The following CHST8 variants were observed in gnomAD, a reference collection of about 807,000 sequenced individuals.
The protein encoded by CHST8 is GALNAC-4-ST1.
A neutral mutation model predicts 15.0 loss-of-function variants in CHST8; 10 were observed. The observed-to-expected ratio is 0.67, with a 90% CI of 0.41 to 1.13. CHST8 has a LOEUF of 1.13. CHST8 is among the 50% of genes most tolerant of loss of function. The pLI is 0.00. For synonymous variants in CHST8, 259 were observed against 256.6 expected (o/e 1.01, Z -0.09); for missense variants, 634 against 608.2 (o/e 1.04, Z -0.45).
At chr19:33,657,652 C>G (rs1228131551) in intron 1 of CHST8, among the ~76,000 whole-genome samples, 1 of 151,904 alleles carries the variant, frequency 6.6e-6, no homozygotes, top group Non-Finnish European at 1.5e-5. Context: ...TCACTGCATC[C>G]TCATCCTCCT....
At chr19:33,658,116 G>A (rs1422584264) in intron 1 of CHST8, among the ~76,000 whole-genome samples, 1 of 152,128 alleles carries the variant, frequency 6.6e-6, no homozygotes, top group Non-Finnish European at 1.5e-5. Context: ...AAGATGGGTG[G>A]ATCACCTGAG....
At chr19:33,622,816 C>A (rs1308351571) in intron 1 of CHST8, among the ~76,000 whole-genome samples, 2 of 152,186 alleles carry the variant, frequency 1.3e-5, no homozygotes, top group Admixed American at 1.3e-4. Context: ...GCGTCCCCGA[C>A]CCGCAACTCT....
At chr19:33,666,789 G>A (rs112704914) in intron 1 of CHST8, among the ~76,000 whole-genome samples, 4,535 of 152,144 alleles carry the variant, frequency 0.03, 201 homozygotes, top group African/African-American at 0.1. Context: ...TGCAACATCC[G>A]CCTCCCGGGT....
At chr19:33,717,317 C>T (rs1184129504) in intron 3 of CHST8, among the ~76,000 whole-genome samples, 1 of 151,938 alleles carries the variant, frequency 6.6e-6, no homozygotes, top group Non-Finnish European at 1.5e-5. Context: ...AAAAATTAGC[C>T]AGGCGTGGTG....
At chr19:33,673,674 C>T (rs1600252270) in intron 2 of CHST8, among the ~76,000 whole-genome samples, 1 of 152,150 alleles carries the variant, frequency 6.6e-6, no homozygotes, top group Non-Finnish European at 1.5e-5. Flanking sequence ...TGCCTTCCTC[C>T]TGGGCATGCT....
At chr19:33,706,005 G>A (rs193213725) in intron 3 of CHST8, among the ~76,000 whole-genome samples, 96 of 152,270 alleles carry the variant, frequency 6.3e-4, no homozygotes, top group African/African-American at 1.6e-3. Context: ...CGCTGTACCC[G>A]TCTCTATTTT....
At chr19:33,769,356 T>G (rs1287007885) in intron 3 of CHST8, among the ~76,000 whole-genome samples, 1 of 152,200 alleles carries the variant, frequency 6.6e-6, no homozygotes, top group Non-Finnish European at 1.5e-5. Context: ...CACACCTTGA[T>G]GAGATGACAG....
intron 3 of CHST8, among the ~76,000 whole-genome samples, chr19:33,767,963 C>T (rs1484631446): frequency 6.6e-6 from 1 of 152,194 alleles, no homozygotes; most frequent in Non-Finnish European, 1.5e-5. Context: ...CCATAAGTGC[C>T]CCCCACGGCA....
intron 3 of CHST8, among the ~76,000 whole-genome samples, chr19:33,761,769 T>G (rs1277346798): frequency 6.6e-6 from 1 of 151,846 alleles, no homozygotes; most frequent in Non-Finnish European, 1.5e-5. Flanking sequence ...GCCCAGGAGT[T>G]CAGGATTATA....
chr19:33,716,818 T>A (rs1435808215), intron 3 of CHST8, among the ~76,000 whole-genome samples: 1 of 152,116 alleles, frequency 6.6e-6, no homozygotes, highest in African/African-American at 2.4e-5. Flanking sequence ...ACAACAGAAA[T>A]GTGTTTTTTC....
At chr19:33,721,366 A>C (rs552401174) in intron 3 of CHST8, among the ~76,000 whole-genome samples, 1 of 152,146 alleles carries the variant, frequency 6.6e-6, no homozygotes, top group African/African-American at 2.4e-5. Flanking sequence ...CTATCTCTGA[A>C]CACCCACAGT....
intron 3 of CHST8, among the ~76,000 whole-genome samples, chr19:33,723,789 C>T (rs1363104129): frequency 6.6e-6 from 1 of 152,206 alleles, no homozygotes; most frequent in African/African-American, 2.4e-5. Context: ...TCCCAGATAG[C>T]CTTTTGCCAA....
rs10427009 is a variant in CHST8 at position 33,745,928 on chromosome 19, G to A, written c.131-25485G>A. On this transcript the variant is annotated intron_variant, in intron 3 of 4. Coordinates refer to ENST00000650847, the MANE Select transcript of CHST8 (RefSeq NM_001127895.2). ...CCTTCACCTCTGGCTCCCAGCCCCT[G>A]CTGTCCTGGCTCCTCCATTCCACAT... Among the ~76,000 whole-genome samples, 229 of 152,322 alleles carry A rather than the reference G, an allele frequency of 1.5e-3. 1 individual carries two copies. Among genetic ancestry groups the A allele is most frequent in the African/African-American group, 5.3e-3 (222 of 41,574 alleles).
intron 3 of CHST8, among the ~76,000 whole-genome samples, chr19:33,735,684 G>A (rs544338287): frequency 5.3e-5 from 8 of 152,276 alleles, no homozygotes; most frequent in South Asian, 4.1e-4. Flanking sequence ...AAAATTAGCC[G>A]GGCGTGCTGG....
intron 3 of CHST8, among the ~76,000 whole-genome samples, chr19:33,760,939 G>A (rs1302644712): frequency 6.6e-6 from 1 of 152,196 alleles, no homozygotes; most frequent in East Asian, 1.9e-4. Flanking sequence ...ACTGTCATCA[G>A]TACCTAAGAT....
In CHST8 at chr19:33,689,364, A is replaced by G. The variant is rs1261458222; in HGVS notation, c.103A>G (p.Thr35Ala). Residue 35 changes from threonine to alanine, a missense_variant, in exon 3 of 5, where the codon ACG becomes GCG. By Grantham distance (58) the Thr-to-Ala change is moderately conservative. Coordinates refer to ENST00000650847, the MANE Select transcript of CHST8 (RefSeq NM_001127895.2). ...LLLFISLQDP[T>A]ELAPQQVPGI... Reference sequence around the variant, plus strand: ...CCTCTTCATCAGCCTGCAGGACCCTACGGAGCTCGCCCCCCAGCAGGTGCC... The same window carrying G: ...CCTCTTCATCAGCCTGCAGGACCCTGCGGAGCTCGCCCCCCAGCAGGTGCC... 1 of 1,604,564 alleles carries G rather than the reference A, an allele frequency of 6.2e-7. No homozygotes were observed. Among genetic ancestry groups the G allele is most frequent in the African/African-American group, 1.3e-5 (1 of 74,614 alleles).
intron 3 of CHST8, among the ~76,000 whole-genome samples, chr19:33,698,729 T>TG (rs1973271906): frequency 1.3e-5 from 2 of 152,104 alleles, no homozygotes; most frequent in African/African-American, 4.8e-5. Context: ...TTATGGTGTC[T>TG]GAGATGCTTG....
intron 3 of CHST8, among the ~76,000 whole-genome samples, chr19:33,694,068 C>T (rs1275897152): frequency 8.7e-6 from 1 of 115,496 alleles, no homozygotes; most frequent in Non-Finnish European, 1.7e-5. Context: ...ACAATGTTAC[C>T]ATACAGATTC....
At chr19:33,706,303 C>A (rs1973445280) in intron 3 of CHST8, among the ~76,000 whole-genome samples, 3 of 152,182 alleles carry the variant, frequency 2.0e-5, no homozygotes, top group African/African-American at 7.2e-5. Context: ...GGTTCTTGTG[C>A]ACACGTGTGT....
Sources: gnomAD v4.1 joint callset for allele counts (sites outside exome capture counted in the v4.1 genomes callset) on GRCh38, gnomAD v4.1.1 for gene constraint, MANE v1.5 for transcripts, NCBI Gene and HGNC (gene_info 2026-07-23, HGNC 2026-07-21) for gene names.